The following FRY variants were observed in gnomAD, a reference collection of about 807,000 sequenced individuals.
The protein encoded by FRY is protein furry homolog.
FRY carries 128 observed loss-of-function variants against 348.4 expected under a neutral mutation model. The ratio of observed to expected loss-of-function variants is 0.37; its 90% CI spans 0.32 to 0.43. The LOEUF is 0.43. Ranked by LOEUF, FRY falls within the 20% of genes least tolerant of loss-of-function variation. FRY has a pLI of 1.00. For synonymous variants in FRY, 1,370 were observed against 1,374.7 expected (o/e 1.00, Z 0.08); for missense variants, 2,736 against 3,695.2 (o/e 0.74, Z 6.73).
At chr13:32,229,623 T>G (rs2138428456) in intron 40 of FRY, among the ~76,000 whole-genome samples, 1 of 152,284 alleles carries the variant, frequency 6.6e-6, no homozygotes, top group East Asian at 1.9e-4. Flanking sequence ...TTGTCACCAC[T>G]CACCATCTGT....
chr13:32,209,521 G>A lies in FRY; in HGVS notation c.4276-64G>A, dbSNP rs1043719397. 6 of 1,542,312 alleles carry A rather than the reference G, an allele frequency of 3.9e-6. No homozygotes were observed. The Admixed American group carries it at 8.3e-5, about 21-fold the overall frequency. ...GTCATGACCCTCAAAACTACTTTCAGTCAAACCTTTTGCGTCCTTACAGTT... is the reference window on the plus strand; with the variant it reads ...GTCATGACCCTCAAAACTACTTTCAATCAAACCTTTTGCGTCCTTACAGTT... On this transcript the variant is annotated intron_variant, in intron 32 of 60. Transcript: ENST00000542859.
chr13:32,132,520 G>A lies in FRY; in HGVS notation c.885+680G>A, dbSNP rs533942999. On this transcript the variant is annotated intron_variant, in intron 8 of 60. Coordinates refer to ENST00000542859, the MANE Select transcript of FRY (RefSeq NM_023037.3). ...CTATAGTCAAAAATATAACAATTCTGGGTGAAGATGTGGAAAAATTAGAAC... is the reference window on the plus strand; with the variant it reads ...CTATAGTCAAAAATATAACAATTCTAGGTGAAGATGTGGAAAAATTAGAAC... Among the ~76,000 whole-genome samples, 10 of 152,252 alleles carry A rather than the reference G, an allele frequency of 6.6e-5. No individual in the cohort carries two copies. The South Asian group carries it at 1.9e-3, about 28-fold the overall frequency.
chr13:32,105,988 T>A (rs890396938), intron 3 of FRY, among the ~76,000 whole-genome samples: 3 of 150,738 alleles, frequency 2.0e-5, no homozygotes, highest in Non-Finnish European at 3.0e-5. Flanking sequence ...CCCCTTCTCA[T>A]ATTATCTCAC....
intron 1 of FRY, among the ~76,000 whole-genome samples, chr13:32,034,117 A>T (rs1872384560): frequency 6.6e-6 from 1 of 152,210 alleles, no homozygotes; most frequent in Non-Finnish European, 1.5e-5. Flanking sequence ...ACATACCTGA[A>T]TGGAGACTCA....
chr13:32,190,967 A>G (rs187580352), intron 28 of FRY, among the ~76,000 whole-genome samples: 159 of 152,302 alleles, frequency 1.0e-3, no homozygotes, highest in Non-Finnish European at 1.5e-3. Flanking sequence ...TATATATACC[A>G]ATGGAGTAGA....
intron 15 of FRY, among the ~76,000 whole-genome samples, chr13:32,156,713 T>C (rs1881142492): frequency 6.6e-6 from 1 of 152,164 alleles, no homozygotes; most frequent in Admixed American, 6.5e-5. Flanking sequence ...TTTGTATAAT[T>C]CGTATACACA....
At chr13:32,111,633 A>G (rs1222388812) in intron 3 of FRY, among the ~76,000 whole-genome samples, 2 of 152,228 alleles carry the variant, frequency 1.3e-5, no homozygotes, top group Non-Finnish European at 2.9e-5. Context: ...AGGGGAGAGC[A>G]GGATCATATG....
At chr13:32,194,433 C>G (rs1883553470) in intron 29 of FRY, 136 bp downstream of exon 29, 1 of 759,484 alleles carries the variant, frequency 1.3e-6, no homozygotes. Flanking sequence ...CTGTATGTCC[C>G]CAGCAGGTAA....
At chr13:32,147,530 G>T in intron 12 of FRY, 145 bp downstream of exon 12, 1 of 698,524 alleles carries the variant, frequency 1.4e-6, no homozygotes, top group Non-Finnish European at 2.6e-6. Flanking sequence ...AACATTTTCA[G>T]GCTTTCCATA....
At chr13:32,178,821 TG>T in intron 21 of FRY, 22 bp from the exon 22 acceptor site, 1 of 1,549,982 alleles carries the variant, frequency 6.5e-7, no homozygotes, top group Non-Finnish European at 8.9e-7. Context: ...GTTTCACTCT[TG>T]TTTTCGACTC....
chr13:32,276,640 T>C, intron 57 of FRY, 78 bp downstream of exon 57: 2 of 806,318 alleles, frequency 2.5e-6, no homozygotes, highest in East Asian at 2.4e-5. Flanking sequence ...TTGGGCGGGG[T>C]TGTGATTAAC....
intron 2 of FRY, among the ~76,000 whole-genome samples, chr13:32,091,394 G>A (rs558678114): frequency 2.6e-5 from 4 of 152,194 alleles, no homozygotes; most frequent in Non-Finnish European, 5.9e-5. Context: ...GGGAGTAATG[G>A]TCAGTATTCA....
At chr13:32,161,559 C>G (rs1247645405) in intron 17 of FRY, among the ~76,000 whole-genome samples, 1 of 152,036 alleles carries the variant, frequency 6.6e-6, no homozygotes, top group Non-Finnish European at 1.5e-5. Context: ...GGGAAGGCAA[C>G]AAATAACTCC....
At chr13:32,126,540 G>A (rs182282589) in intron 7 of FRY, among the ~76,000 whole-genome samples, 2 of 152,316 alleles carry the variant, frequency 1.3e-5, no homozygotes, top group African/African-American at 4.8e-5. Flanking sequence ...GTAGTAGGGT[G>A]TAAGAAATGC....
At chr13:32,279,188 A>G (rs1313360947) in intron 58 of FRY, among the ~76,000 whole-genome samples, 2 of 152,370 alleles carry the variant, frequency 1.3e-5, no homozygotes, top group East Asian at 3.9e-4. Flanking sequence ...AGGACCATCA[A>G]GGACAGGAAA....
At chr13:32,108,906 G>A (rs191430585) in intron 3 of FRY, among the ~76,000 whole-genome samples, 72 of 152,248 alleles carry the variant, frequency 4.7e-4, no homozygotes, top group Middle Eastern at 6.8e-3. Context: ...GAGATCAGGC[G>A]GCAGAGGTAG....
In FRY at chr13:32,184,840, A is replaced by G. The variant is rs555849503; in HGVS notation, c.3147-136A>G. 9.4e-5 allele frequency: 95 copies of G among 1,009,900 alleles called. 1 individual carries two copies. In the South Asian group the frequency reaches 1.3e-3, roughly 13 times the overall value. 62.6% of individuals were successfully genotyped at this position (1,009,900 alleles called of 1,614,324 possible). A position where few individuals can be genotyped will look rare whatever the true frequency, so the allele number is the denominator to read the frequency against. On this transcript the variant is annotated intron_variant, in intron 25 of 60. Coordinates refer to ENST00000542859, the MANE Select transcript of FRY (RefSeq NM_023037.3). ...AAAAACTCGCTTTTTCTTTTTTCAT[A>G]TTTTCTTTACACTGCATATAGGTTA...
rs548341073 is a variant in FRY, at chr13:32,090,145, A to G, written c.270+11112A>G. 2.6e-3 allele frequency among the ~76,000 whole-genome samples: 400 copies of G among 151,914 alleles called. 1 individual carries two copies. The highest frequency in any genetic ancestry group is 9.2e-3 in the African/African-American group (382 of 41,446). On this transcript the variant is annotated intron_variant, in intron 2 of 60. Coordinates refer to ENST00000542859, the MANE Select transcript of FRY (RefSeq NM_023037.3). The stretch of plus-strand genomic sequence containing the variant: ...GGGTGGATCACGAGGTCAGGAGCTC[A>G]AGACCATCCTGGCTAACACGGTGGA...
chr13:32,172,728 A>T (rs1207192106), intron 18 of FRY, among the ~76,000 whole-genome samples: 1 of 152,200 alleles, frequency 6.6e-6, no homozygotes, highest in Non-Finnish European at 1.5e-5. Context: ...CCCAGAGATG[A>T]CATTCAGCTC....
Sources: allele counts gnomAD v4.1 joint callset (sites outside exome capture counted in the v4.1 genomes callset), GRCh38; gene constraint gnomAD v4.1.1; transcripts MANE v1.5; gene names NCBI Gene and HGNC (gene_info 2026-07-23, HGNC 2026-07-21).